ARMH1: variants seen among roughly 807,000 people sequenced by gnomAD.
ARMH1 encodes the protein armadillo-like helical domain containing protein 1.
Under a neutral mutation model 50.2 loss-of-function variants are expected in ARMH1, and 34 were observed. The ratio of observed to expected loss-of-function variants is 0.68; its 90% CI spans 0.51 to 0.90. The LOEUF (loss-of-function observed/expected upper bound fraction) is 0.90, where lower values mean the gene tolerates loss of function less well. Ranked by LOEUF, ARMH1 falls within the 40% of genes least tolerant of loss-of-function variation. The probability of loss-of-function intolerance (pLI) is 0.00; values close to 1 mark genes in which losing one functional copy is unlikely to be tolerated. For synonymous variants in ARMH1, 221 were observed against 224.2 expected, an observed-to-expected ratio of 0.99 and a Z score of 0.13; for missense variants, 538 against 553.9, an observed-to-expected ratio of 0.97 and a Z score of 0.29.
At chr1:44,679,650 T>G (rs60469789) in intron 1 of ARMH1, among the ~76,000 whole-genome samples, 3 of 152,234 alleles carry the variant, frequency 2.0e-5, no homozygotes, top group Non-Finnish European at 4.4e-5. Context: ...CATTGCTGTT[T>G]CCTGTCATAG....
chr1:44,695,788 G>GA (rs1645806020), intron 2 of ARMH1, among the ~76,000 whole-genome samples: 1 of 151,262 alleles, frequency 6.6e-6, no homozygotes, highest in Non-Finnish European at 1.5e-5. Flanking sequence ...AAAAAATACA[G>GA]AAAAAAAATA....
At chr1:44,709,852 G>A (rs1201696883) in intron 6 of ARMH1, among the ~76,000 whole-genome samples, 1 of 151,944 alleles carries the variant, frequency 6.6e-6, no homozygotes, top group Non-Finnish European at 1.5e-5. Flanking sequence ...AAAAATTGCT[G>A]AAAATATGCT....
chr1:44,719,889 A>G (rs1318770735), intron 6 of ARMH1, among the ~76,000 whole-genome samples: 1 of 152,138 alleles, frequency 6.6e-6, no homozygotes, highest in African/African-American at 2.4e-5. Context: ...CCTGGCTTCA[A>G]AGCACTCTCA....
intron 6 of ARMH1, among the ~76,000 whole-genome samples, chr1:44,716,653 C>A (rs565052922): frequency 1.3e-5 from 2 of 152,134 alleles, no homozygotes; most frequent in African/African-American, 4.8e-5. Context: ...TATGCAGATG[C>A]GTTCCCTCTT....
intron 6 of ARMH1, among the ~76,000 whole-genome samples, chr1:44,711,199 G>T (rs1416955838): frequency 6.6e-6 from 1 of 152,060 alleles, no homozygotes; most frequent in Non-Finnish European, 1.5e-5. Flanking sequence ...AGTTCTTTGG[G>T]GTATATTACC....
At chr1:44,712,191 GC>G (rs1189257655) in intron 6 of ARMH1, among the ~76,000 whole-genome samples, 3 of 152,336 alleles carry the variant, frequency 2.0e-5, no homozygotes, top group African/African-American at 7.2e-5. Flanking sequence ...GGGCGCAGGG[GC>G]TCTCACCTGT....
chr1:44,724,069 C>T lies in ARMH1; in HGVS notation c.725-53C>T, dbSNP rs1647832874. 6.5e-7 allele frequency: 1 copy of T among 1,529,670 alleles called. No individual in the cohort carries two copies. 94.8% of individuals were successfully genotyped at this position (1,529,670 alleles called of 1,614,324 possible). ...CTTGGTTCACGGGGTTCTTTGCTTC[C>T]TCGGTGGCGGAGGGGCCTGGGGCCT... On this transcript the variant is annotated intron_variant, in intron 6 of 11. Coordinates refer to ENST00000535358, the MANE Select transcript of ARMH1 (RefSeq NM_001145636.2). The surrounding 1 kb of genome is among the most constrained non-coding windows in gnomAD (Gnocchi z 6.4).
Position 44,683,317 on chromosome 1 carries a change from G to A in ARMH1, c.-22-6359G>A, listed in dbSNP as rs1262774546. The stretch of plus-strand genomic sequence containing the variant: ...GACACATACCAGTGAAGAGTCTGCC[G>A]GTCACTTAAGTACATAAAGAGATCT... On this transcript the variant is annotated intron_variant, in intron 1 of 11. Coordinates refer to ENST00000535358, the MANE Select transcript of ARMH1 (RefSeq NM_001145636.2). The surrounding 1 kb of genome is among the most constrained non-coding windows in gnomAD (Gnocchi z 4.2). 2.6e-5 allele frequency among the ~76,000 whole-genome samples: 4 copies of A among 152,252 alleles called. No individual in the cohort carries two copies. The highest frequency in any genetic ancestry group is 3.4e-3 in the Middle Eastern group (1 of 294).
At position 44,725,475 on chromosome 1, in the gene ARMH1, G is replaced by A. The variant is rs1476799705; in HGVS notation, c.*72G>A. On this transcript the variant is annotated 3_prime_UTR_variant, in exon 12 of 12. Coordinates refer to ENST00000535358, the MANE Select transcript of ARMH1 (RefSeq NM_001145636.2). ...GCCTGGCAAGAGGAAGGCGCCTGGG[G>A]TCAAGCTCAGAGCCACTCCACTTGG... is the stretch of plus-strand genomic sequence containing the variant. 6.2e-6 allele frequency: 9 copies of A among 1,460,250 alleles called. No individual in the cohort carries two copies. Among genetic ancestry groups the A allele is most frequent in the Non-Finnish European group, 8.4e-6 (9 of 1,066,594 alleles). The allele number at this position is 1,460,250 out of a possible 1,614,324, so 90.5% of individuals were successfully genotyped here.
intron 5 of ARMH1, 112 bp downstream of exon 5, chr1:44,701,231 TG>T: frequency 9.5e-7 from 1 of 1,048,946 alleles, no homozygotes; most frequent in Admixed American, 3.0e-5. Flanking sequence ...AGCCTCCCAC[TG>T]CATGTCTGTT....
intron 5 of ARMH1, among the ~76,000 whole-genome samples, chr1:44,701,757 T>C (rs3008980): frequency 0.22 from 32,851 of 151,766 alleles, 4,339 homozygotes; most frequent in African/African-American, 0.38. Flanking sequence ...GATGAAACCC[T>C]GTCTCTACTA....
At chr1:44,696,978 G>A (rs530038357) in intron 2 of ARMH1, 124 bp from the exon 3 acceptor site, 7 of 681,690 alleles carry the variant, frequency 1.0e-5, no homozygotes, top group Non-Finnish European at 1.8e-5. Flanking sequence ...CTCCTCTCAG[G>A]GTAAAGAGGC....
chr1:44,685,761 G>T (rs925783894), intron 1 of ARMH1, among the ~76,000 whole-genome samples: 1 of 151,796 alleles, frequency 6.6e-6, no homozygotes, highest in African/African-American at 2.4e-5. Flanking sequence ...CTGAGTAGCT[G>T]GGACTACAGG....
At chr1:44,717,333 G>A (rs1646895993) in intron 6 of ARMH1, among the ~76,000 whole-genome samples, 1 of 152,218 alleles carries the variant, frequency 6.6e-6, no homozygotes, top group African/African-American at 2.4e-5. Context: ...GCATGACCCA[G>A]CATCCCTGTT....
intron 1 of ARMH1, among the ~76,000 whole-genome samples, chr1:44,679,047 C>T (rs1645225801): frequency 6.6e-6 from 1 of 152,140 alleles, no homozygotes; most frequent in African/African-American, 2.4e-5. Flanking sequence ...AACAAAGAGT[C>T]CACTCTGGGC....
intron 6 of ARMH1, 80 bp downstream of exon 6, chr1:44,704,253 G>GAGAA: frequency 9.4e-7 from 1 of 1,060,146 alleles, no homozygotes; most frequent in Non-Finnish European, 1.4e-6. Flanking sequence ...TAGTCACAAA[G>GAGAA]AGCCTTGATG....
chr1:44,695,065 C>T (rs566662799), intron 2 of ARMH1, among the ~76,000 whole-genome samples: 5 of 152,264 alleles, frequency 3.3e-5, no homozygotes, highest in East Asian at 1.9e-4. Flanking sequence ...GCTCCACCTG[C>T]GACACCACAC....
At chr1:44,695,675 C>T (rs1327862190) in intron 2 of ARMH1, among the ~76,000 whole-genome samples, 4 of 152,012 alleles carry the variant, frequency 2.6e-5, no homozygotes, top group Non-Finnish European at 4.4e-5. Context: ...CATGGTGGCT[C>T]ACCTCTGTAA....
chr1:44,677,538 G>A (rs1193992112), intron 1 of ARMH1, among the ~76,000 whole-genome samples: 20 of 152,222 alleles, frequency 1.3e-4, no homozygotes. Flanking sequence ...CCACATCTGA[G>A]ATCATTGAAT....
Sources: allele counts gnomAD v4.1 joint callset (sites outside exome capture counted in the v4.1 genomes callset), GRCh38; gene constraint gnomAD v4.1.1; non-coding constraint Gnocchi (gnomAD v3.1); transcripts MANE v1.5; gene names NCBI Gene and HGNC (gene_info 2026-07-23, HGNC 2026-07-21).